The following FOLR2 variants were observed in gnomAD, a reference collection of about 807,000 sequenced individuals.
FOLR2 encodes the protein folate receptor beta.
Under a neutral mutation model 20.4 loss-of-function variants are expected in FOLR2, and 14 were observed. The observed-to-expected ratio is 0.68, with a 90% CI of 0.45 to 1.07. FOLR2 has a LOEUF of 1.07. Ranked by LOEUF, FOLR2 falls within the 50% of genes least tolerant of loss-of-function variation. The pLI, the probability that FOLR2 is intolerant of heterozygous loss-of-function variation, is 0.00. For synonymous variants in FOLR2, 114 were observed against 114.3 expected, an observed-to-expected ratio of 1.00 and a Z score of 0.02; for missense variants, 269 against 322.6, an observed-to-expected ratio of 0.83 and a Z score of 1.27.
chr11:72,219,923 C>T (rs1055867106), intron 2 of FOLR2, among the ~76,000 whole-genome samples: 2 of 151,442 alleles, frequency 1.3e-5, no homozygotes, highest in African/African-American at 4.9e-5. Flanking sequence ...TCTCAGCTCA[C>T]GGCAACCTCC....
rs202003645 is a variant in FOLR2, at chr11:72,220,690, T to A, written c.151-180T>A. Among the ~76,000 whole-genome samples, 4 of 152,340 alleles carry A rather than the reference T, an allele frequency of 2.6e-5. No individual in the cohort carries two copies. The East Asian group carries it at 7.7e-4, about 29-fold the overall frequency. ...CCCTGATCACACGGTTGTAATTGTG[T>A]TTCCTCCAAGAAAGGGGTTCCTGGA... On this transcript the variant is annotated intron_variant, in intron 2 of 4. Transcript: ENST00000298223.
chr11:72,220,797 T>C, intron 2 of FOLR2, 73 bp from the exon 3 acceptor site: 3 of 1,586,050 alleles, frequency 1.9e-6, no homozygotes. Flanking sequence ...AAGAACCAAA[T>C]GGGGGAGAGA....
At position 72,221,831 on chromosome 11, in the gene FOLR2, A is replaced by G; in HGVS notation, c.*69A>G. Reference sequence around the variant, plus strand: ...GCTGGGCTCAGCTCAGCTCCCACAAATGACAGCCCCTTAAGCATGCTTCTA... The same window carrying G: ...GCTGGGCTCAGCTCAGCTCCCACAAGTGACAGCCCCTTAAGCATGCTTCTA... On this transcript the variant is annotated 3_prime_UTR_variant, in exon 5 of 5. Coordinates refer to ENST00000298223, the MANE Select transcript of FOLR2 (RefSeq NM_000803.5). The G allele has an allele frequency of 6.9e-7, 1 of 1,456,026 alleles. No individual in the cohort carries two copies. Among genetic ancestry groups the G allele is most frequent in the Non-Finnish European group, 9.4e-7 (1 of 1,064,056 alleles). 90.2% of individuals were successfully genotyped at this position (1,456,026 alleles called of 1,614,324 possible).
rs1178983401 is a variant in FOLR2 at position 72,221,565 on chromosome 11, T to C, written c.571T>C (p.Tyr191His). ...ALCEGLWSHS[Y>H]KVSNYSRGSG... ...TTGTGAAGGCCTCTGGAGTCACTCA[T>C]ACAAGGTCAGCAACTACAGCCGAGG... Residue 191 changes from tyrosine to histidine, a missense_variant, in exon 5 of 5, where the codon TAC (tyrosine) becomes CAC (histidine). By Grantham distance (83) the Tyr-to-His change is moderately conservative (BLOSUM62 2). Coordinates refer to ENST00000298223, the MANE Select transcript of FOLR2 (RefSeq NM_000803.5). 6.2e-7 allele frequency: 1 copy of C among 1,613,958 alleles called. No individual in the cohort carries two copies. The highest frequency in any genetic ancestry group is 1.3e-5 in the African/African-American group (1 of 74,886).
chr11:72,220,297 G>A (rs1422909038), intron 2 of FOLR2, among the ~76,000 whole-genome samples: 1 of 152,118 alleles, frequency 6.6e-6, no homozygotes, highest in Non-Finnish European at 1.5e-5. Flanking sequence ...CTCTTCCTTT[G>A]CTCAAAATGT....
At chr11:72,217,269 C>G (rs1482444478) in intron 1 of FOLR2, 1 of 776,036 alleles carries the variant, frequency 1.3e-6, no homozygotes, top group African/African-American at 1.8e-5. Flanking sequence ...AGGATCCACC[C>G]ACCTCGGCCT....
chr11:72,220,801 G>T, intron 2 of FOLR2, 69 bp from the exon 3 acceptor site: 1 of 1,590,786 alleles, frequency 6.3e-7, no homozygotes, highest in South Asian at 1.1e-5. Flanking sequence ...ACCAAATGGG[G>T]GAGAGACACG....
chr11:72,221,691 G>C lies in FOLR2; in HGVS notation c.697G>C (p.Glu233Gln), dbSNP rs1387846315. Residue 233 changes from glutamate (E) to glutamine (Q), a missense_variant, in exon 5 of 5, where the codon GAG (glutamate) becomes CAG (glutamine). Transcript: ENST00000298223. ...TGCAGCCATGCATGTGAATGCTGGTGAGATGCTTCATGGGACTGGGGGTCT... is the reference window on the plus strand; with the variant it reads ...TGCAGCCATGCATGTGAATGCTGGTCAGATGCTTCATGGGACTGGGGGTCT... ...YAAAMHVNAGEMLHGTGGLLL... is the reference protein window; with the variant it reads ...YAAAMHVNAGQMLHGTGGLLL... 6.2e-7 allele frequency: 1 copy of C among 1,614,184 alleles called. No homozygotes were observed.
intron 1 of FOLR2, 91 bp from the exon 2 acceptor site, chr11:72,218,470 G>C (rs1948428781): frequency 5.2e-6 from 6 of 1,159,890 alleles, no homozygotes; most frequent in Non-Finnish European, 6.2e-6. Context: ...GACCTCATTT[G>C]CCACCGTAGG....
intron 2 of FOLR2, among the ~76,000 whole-genome samples, 173 bp downstream of exon 2, chr11:72,218,907 C>T (rs1158560089): frequency 6.6e-6 from 1 of 152,186 alleles, no homozygotes; most frequent in African/African-American, 2.4e-5. Context: ...TAGGGGGGCC[C>T]TCCCCGGAGG....
In FOLR2 at chr11:72,218,080, C is replaced by A. The variant is rs1948422361; in HGVS notation, c.-24-481C>A. 5.3e-5 allele frequency among the ~76,000 whole-genome samples: 8 copies of A among 152,316 alleles called. No individual in the cohort carries two copies. In the South Asian group the frequency reaches 1.7e-3, roughly 32 times the overall value. On this transcript the variant is annotated intron_variant, in intron 1 of 4. Transcript: ENST00000298223. ...TCTGTCACTTGATCCTCATGCTGAT[C>A]TGAGAACTCGGCAGAGCTGGGTCAC...
chr11:72,218,025 T>C (rs1948421093), intron 1 of FOLR2, among the ~76,000 whole-genome samples: 1 of 152,202 alleles, frequency 6.6e-6, no homozygotes, highest in Non-Finnish European at 1.5e-5. Context: ...TCCATTTCCG[T>C]ATCATTTAAC....
At position 72,218,740 on chromosome 11, in the gene FOLR2, G is replaced by T. The variant is rs189064194; in HGVS notation, c.150+6G>T. ...AGGACAAGCTGCATGACCAAGTACG[G>T]CTGGAGTGTGCCTCTGCTAAGGAGG... On this transcript the variant is annotated splice_donor_region_variant and intron_variant, in intron 2 of 4. Coordinates refer to ENST00000298223, the MANE Select transcript of FOLR2 (RefSeq NM_000803.5). 3 of 1,607,788 alleles carry T rather than the reference G, an allele frequency of 1.9e-6. No individual in the cohort carries two copies.
Position 72,216,915 on chromosome 11 carries a change from C to A in FOLR2, c.-35C>A. ...CAGCCGTGTATGCTCCCAGCAGCAA[C>A]GGAGGTTCAGGCAAGATGCCCGAAG... On this transcript the variant is annotated 5_prime_UTR_variant, in exon 1 of 5. Coordinates refer to ENST00000298223, the MANE Select transcript of FOLR2 (RefSeq NM_000803.5). 2 of 1,599,440 alleles carry A rather than the reference C, an allele frequency of 1.3e-6. No homozygotes were observed. The highest frequency in any genetic ancestry group is 1.7e-6 in the Non-Finnish European group (2 of 1,179,788).
In FOLR2 at chr11:72,221,626, C is replaced by A; in HGVS notation, c.632C>A (p.Ala211Asp). 5 of 1,614,208 alleles carry A rather than the reference C, an allele frequency of 3.1e-6. No homozygotes were observed. The highest frequency in any genetic ancestry group is 2.5e-6 in the Non-Finnish European group (3 of 1,180,038). ...GRCIQMWFDS[A>D]QGNPNEEVAR... ...TGCATCCAGATGTGGTTTGATTCAGCCCAGGGCAACCCCAACGAGGAAGTG... is the reference window on the plus strand; with the variant it reads ...TGCATCCAGATGTGGTTTGATTCAGACCAGGGCAACCCCAACGAGGAAGTG... Residue 211 changes from alanine to aspartate, a missense_variant, in exon 5 of 5, where the codon GCC becomes GAC. Transcript: ENST00000298223.
chr11:72,217,496 C>A, intron 1 of FOLR2: 1 of 851,580 alleles, frequency 1.2e-6, no homozygotes, highest in Non-Finnish European at 1.7e-6. Context: ...TCTTTAGTGA[C>A]AGAGCCCAAA....
chr11:72,220,903 G>A lies in FOLR2; in HGVS notation c.184G>A (p.Ala62Thr), dbSNP rs1948473478. ...CTGGAAGAAGAATGCCTGCTGCACA[G>A]CCAGCACCAGCCAGGAGCTGCACAA... ...SPWKKNACCT[A>T]STSQELHKDT... Residue 62 changes from alanine to threonine, a missense_variant, in exon 3 of 5, where the codon GCC becomes ACC. Coordinates refer to ENST00000298223, the MANE Select transcript of FOLR2 (RefSeq NM_000803.5). 6.2e-6 allele frequency: 10 copies of A among 1,613,962 alleles called. No homozygotes were observed. Among genetic ancestry groups the A allele is most frequent in the African/African-American group, 1.3e-5 (1 of 75,052 alleles).
intron 2 of FOLR2, among the ~76,000 whole-genome samples, chr11:72,220,150 T>G (rs2135402808): frequency 1.3e-5 from 2 of 152,322 alleles, no homozygotes; most frequent in Middle Eastern, 6.8e-3. Context: ...GCCTGGCTTT[T>G]GCTTACTTTT....
At chr11:72,219,809 G>C (rs914054911) in intron 2 of FOLR2, among the ~76,000 whole-genome samples, 3 of 151,198 alleles carry the variant, frequency 2.0e-5, no homozygotes, top group Non-Finnish European at 2.9e-5. Context: ...GTGCCTATAT[G>C]TAAGATAGAG....
Sources: gnomAD v4.1 joint callset for allele counts (sites outside exome capture counted in the v4.1 genomes callset) on GRCh38, gnomAD v4.1.1 for gene constraint, MANE v1.5 for transcripts, NCBI Gene and HGNC (gene_info 2026-07-23, HGNC 2026-07-21) for gene names.